The following PLXDC1 variants were observed in gnomAD, a reference collection of about 807,000 sequenced individuals.
The protein encoded by PLXDC1 is plexin domain-containing protein 1.
In PLXDC1, 39 loss-of-function variants were observed where a neutral mutation model predicts 61.3. The observed-to-expected ratio is 0.64, with a 90% confidence interval of 0.49 to 0.83. The LOEUF (loss-of-function observed/expected upper bound fraction) is 0.83, where lower values mean the gene tolerates loss of function less well. Ranked by LOEUF, PLXDC1 falls within the 40% of genes least tolerant of loss-of-function variation. The pLI, the probability that PLXDC1 is intolerant of heterozygous loss-of-function variation, is 0.00. For missense variants in PLXDC1, 596 were observed against 666.5 expected (o/e 0.89, Z 1.17); for synonymous variants, 212 against 254.5 (o/e 0.83, Z 1.59).
In PLXDC1 at chr17:39,067,833, G is replaced by C. The variant is rs755137858; in HGVS notation, c.*7C>G. ...CTCAAAGTCTTCAAAGGGGAGACTT[G>C]GTGTTCTCAGCACTGCTCAGCCTCC... On this transcript the variant is annotated 3_prime_UTR_variant, in exon 14 of 14. Coordinates refer to ENST00000315392, the MANE Select transcript of PLXDC1 (RefSeq NM_020405.5). 8.1e-6 allele frequency: 13 copies of C among 1,608,158 alleles called. No homozygotes were observed. The highest frequency in any genetic ancestry group is 1.1e-5 in the Non-Finnish European group (13 of 1,176,318).
At chr17:39,140,469 C>T (rs1911901752) in intron 1 of PLXDC1, among the ~76,000 whole-genome samples, 1 of 152,232 alleles carries the variant, frequency 6.6e-6, no homozygotes, top group Admixed American at 6.5e-5. Context: ...CCGCGCCCAG[C>T]TAATTTTTTG....
At chr17:39,151,853 C>A (rs2045375921), upstream of PLXDC1, among the ~76,000 whole-genome samples, 1 of 152,188 alleles carries the variant, frequency 6.6e-6, no homozygotes, top group South Asian at 2.1e-4. This position sits in a 1 kb window ranked among gnomAD's most constrained non-coding sequence, Gnocchi z 5.2. Flanking sequence ...CCCCTAGAAG[C>A]ATCAGCCGCC....
chr17:39,124,165 T>C (rs1432051466), intron 2 of PLXDC1, among the ~76,000 whole-genome samples: 1 of 152,232 alleles, frequency 6.6e-6, no homozygotes, highest in Non-Finnish European at 1.5e-5. Context: ...ACCCCAAGCC[T>C]GCTGAATCGG....
chr17:39,127,586 G>C (rs1911347732), intron 2 of PLXDC1, among the ~76,000 whole-genome samples: 1 of 152,062 alleles, frequency 6.6e-6, no homozygotes, highest in Admixed American at 6.6e-5. Context: ...ATTGGCAAGG[G>C]GGAAGAAACG....
At chr17:39,137,988 G>A (rs1330147125) in intron 2 of PLXDC1, among the ~76,000 whole-genome samples, 1 of 151,848 alleles carries the variant, frequency 6.6e-6, no homozygotes, top group Non-Finnish European at 1.5e-5. Context: ...TTTTTCCCAG[G>A]CTGGTGAGGT....
At chr17:39,152,333 C>T (rs2045379545), upstream of PLXDC1, 1 of 411,168 alleles carries the variant, frequency 2.4e-6, no homozygotes. Flanking sequence ...TCCAGGCCTA[C>T]TCAGGGCCAG....
At chr17:39,096,867 G>T in intron 7 of PLXDC1, 1 of 469,550 alleles carries the variant, frequency 2.1e-6, no homozygotes, top group African/African-American at 2.0e-5. Context: ...CAGCCACATA[G>T]CGGATACACT....
Position 39,151,230 on chromosome 17 carries a change from C to A in PLXDC1, c.76+132G>T. The A allele has an allele frequency of 1.6e-6, 1 of 626,442 alleles. No individual in the cohort carries two copies. The highest frequency in any genetic ancestry group is 2.3e-6 in the Non-Finnish European group (1 of 433,856). 38.8% of individuals were successfully genotyped at this position (626,442 alleles called of 1,614,324 possible). On this transcript the variant is annotated intron_variant, in intron 1 of 13. Transcript: ENST00000315392. The surrounding 1 kb of genome is among the most constrained non-coding windows in gnomAD (Gnocchi z 5.2). ...CTATCCACCTGCCCACAGCCCACAG[C>A]TCTCCTGGCCTCCTGCGGACAATGC... is the stretch of plus-strand genomic sequence containing the variant.
intron 7 of PLXDC1, among the ~76,000 whole-genome samples, chr17:39,103,024 G>C (rs1489635729): frequency 2.0e-5 from 3 of 152,146 alleles, no homozygotes; most frequent in Admixed American, 6.5e-5. Context: ...AGACCATCCT[G>C]GCTAACATGG....
rs557225291 is a variant in PLXDC1, at chr17:39,141,941, G to A, written c.77-2109C>T. Among the ~76,000 whole-genome samples, 4 of 152,152 alleles carry A rather than the reference G, an allele frequency of 2.6e-5. No individual in the cohort carries two copies. The South Asian group carries it at 8.3e-4, about 32-fold the overall frequency. On this transcript the variant is annotated intron_variant, in intron 1 of 13. Transcript: ENST00000315392. ...CGAACATCTTTTCATATGCTTGTGG[G>A]CCATTTGTATATCTTCTTTGGAGAA...
At chr17:39,139,599 G>C in intron 2 of PLXDC1, 55 bp downstream of exon 2, 2 of 1,484,178 alleles carry the variant, frequency 1.3e-6, no homozygotes, top group Non-Finnish European at 1.9e-6. Context: ...GGGGCAGCTG[G>C]TGAGACCTCC....
chr17:39,136,659 A>G (rs1253224076), intron 2 of PLXDC1, among the ~76,000 whole-genome samples: 3 of 152,232 alleles, frequency 2.0e-5, no homozygotes, highest in Non-Finnish European at 4.4e-5. Context: ...GGGGAAAAAA[A>G]TCTCAAAATT....
Position 39,067,824 on chromosome 17 carries a change from G to A in PLXDC1, c.*16C>T. 3 of 1,604,342 alleles carry A rather than the reference G, an allele frequency of 1.9e-6. No homozygotes were observed. Among genetic ancestry groups the A allele is most frequent in the Non-Finnish European group, 2.6e-6 (3 of 1,173,874 alleles). The stretch of plus-strand genomic sequence containing the variant: ...TTCTGTGGCCTCAAAGTCTTCAAAG[G>A]GGAGACTTGGTGTTCTCAGCACTGC... On this transcript the variant is annotated 3_prime_UTR_variant, in exon 14 of 14. Transcript: ENST00000315392.
chr17:39,149,047 C>T (rs2045358041), intron 1 of PLXDC1, among the ~76,000 whole-genome samples: 1 of 152,136 alleles, frequency 6.6e-6, no homozygotes, highest in South Asian at 2.1e-4. Flanking sequence ...TGTCAGTTCC[C>T]TGGGCCCCTG....
At chr17:39,097,945 C>T (rs1910276865) in intron 7 of PLXDC1, among the ~76,000 whole-genome samples, 1 of 150,318 alleles carries the variant, frequency 6.7e-6, no homozygotes, top group Non-Finnish European at 1.5e-5. Context: ...CGGCTCACGC[C>T]TGTAATCCCG....
At chr17:39,071,190 G>A (rs903004077) in intron 12 of PLXDC1, among the ~76,000 whole-genome samples, 5 of 152,174 alleles carry the variant, frequency 3.3e-5, no homozygotes, top group Non-Finnish European at 7.3e-5. Context: ...AAATAACAGA[G>A]AGGTTAAGTG....
At chr17:39,142,062 T>C in intron 1 of PLXDC1, among the ~76,000 whole-genome samples, 1 of 152,198 alleles carries the variant, frequency 6.6e-6, no homozygotes, top group East Asian at 1.9e-4. Flanking sequence ...CTCTGTAAGA[T>C]GTTTAGCAGC....
intron 2 of PLXDC1, among the ~76,000 whole-genome samples, chr17:39,134,642 A>G (rs995236961): frequency 1.5e-4 from 23 of 150,678 alleles, no homozygotes; most frequent in African/African-American, 3.5e-4. Flanking sequence ...AAAAAAAAGA[A>G]AAAGAAAAAA....
At chr17:39,121,814 G>A (rs374698729) in intron 2 of PLXDC1, among the ~76,000 whole-genome samples, 4 of 152,146 alleles carry the variant, frequency 2.6e-5, no homozygotes, top group South Asian at 2.1e-4. Context: ...AAGATTGCCC[G>A]TAATAAGAAT....
Sources: gnomAD v4.1 joint callset for allele counts (sites outside exome capture counted in the v4.1 genomes callset) on GRCh38, gnomAD v4.1.1 for gene constraint, Gnocchi (gnomAD v3.1) non-coding constraint, MANE v1.5 for transcripts, NCBI Gene and HGNC (gene_info 2026-07-23, HGNC 2026-07-21) for gene names.